RABEP1: variants seen among roughly 807,000 people sequenced by gnomAD.
RABEP1 encodes rab GTPase-binding effector protein 1.
In RABEP1, 51 loss-of-function variants were observed where a neutral mutation model predicts 123.4. The observed-to-expected ratio is 0.41, with a 90% CI of 0.33 to 0.52. The LOEUF (loss-of-function observed/expected upper bound fraction) is 0.52, where lower values mean the gene tolerates loss of function less well. Ranked by LOEUF, RABEP1 falls within the 20% of genes least tolerant of loss-of-function variation. The pLI, the probability that RABEP1 is intolerant of heterozygous loss-of-function variation, is 0.16. For synonymous variants in RABEP1, 347 were observed against 355.2 expected, an observed-to-expected ratio of 0.98 and a Z score of 0.26; for missense variants, 888 against 996.3, an observed-to-expected ratio of 0.89 and a Z score of 1.46.
At chr17:5,337,478 G>A (rs1190060007) in intron 4 of RABEP1, among the ~76,000 whole-genome samples, 1 of 152,076 alleles carries the variant, frequency 6.6e-6, no homozygotes, top group Non-Finnish European at 1.5e-5. Context: ...GAGGTCAGGA[G>A]ATCGAGACCA....
chr17:5,310,257 A>G (rs72634020), intron 2 of RABEP1, among the ~76,000 whole-genome samples: 18,526 of 149,740 alleles, frequency 0.12, 1,872 homozygotes, highest in East Asian at 0.48. Context: ...TGAAGGATAA[A>G]ATTTTATATT....
At chr17:5,382,982 AT>A in intron 17 of RABEP1, 139 bp from the exon 18 acceptor site, 1 of 663,822 alleles carries the variant, frequency 1.5e-6, no homozygotes. Flanking sequence ...TATTTTTAAA[AT>A]TTTTAATTGT....
Position 5,385,836 on chromosome 17 carries a change from C to T in RABEP1, c.*2613C>T, listed in dbSNP as rs2144753594. ...CACTGTGTGGTCTTCTCCTTTGAAT[C>T]CTAGGGTTCTATCCCTCTTCAGAGT... On this transcript the variant is annotated 3_prime_UTR_variant, in exon 18 of 18. Coordinates refer to ENST00000537505, the MANE Select transcript of RABEP1 (RefSeq NM_004703.6). The T allele has an allele frequency of 3.9e-6, 1 of 256,062 alleles. No individual in the cohort carries two copies. Among genetic ancestry groups the T allele is most frequent in the Non-Finnish European group, 7.4e-6 (1 of 134,386 alleles). 15.9% of individuals were successfully genotyped at this position (256,062 alleles called of 1,614,324 possible). A position where few individuals can be genotyped will look rare whatever the true frequency, so the allele number is the denominator to read the frequency against.
intron 1 of RABEP1, among the ~76,000 whole-genome samples, chr17:5,299,674 A>G (rs16954515): frequency 0.26 from 37,507 of 142,158 alleles, 5,613 homozygotes; most frequent in East Asian, 0.67. Context: ...TTACAGGGCT[A>G]TTCAAGCTGC....
chr17:5,340,096 G>A (rs899311220), intron 5 of RABEP1, among the ~76,000 whole-genome samples: 3 of 152,128 alleles, frequency 2.0e-5, no homozygotes, highest in African/African-American at 7.2e-5. Flanking sequence ...GACCTTTACA[G>A]AATACAATCA....
chr17:5,370,420 G>C (rs1042099781), intron 12 of RABEP1, among the ~76,000 whole-genome samples: 1 of 152,108 alleles, frequency 6.6e-6, no homozygotes, highest in African/African-American at 2.4e-5. Context: ...ACTTTTTAGT[G>C]GTGGTTTTCC....
intron 2 of RABEP1, among the ~76,000 whole-genome samples, chr17:5,322,910 A>ACAAAAAATT (rs1191426387): frequency 6.6e-6 from 1 of 152,140 alleles, no homozygotes; most frequent in Non-Finnish European, 1.5e-5. Flanking sequence ...CTCCGTCTTT[A>ACAAAAAATT]CAAAAAATTC....
intron 1 of RABEP1, among the ~76,000 whole-genome samples, chr17:5,296,947 C>G (rs1270195515): frequency 6.6e-6 from 1 of 152,046 alleles, no homozygotes; most frequent in Non-Finnish European, 1.5e-5. Flanking sequence ...CCATGTTGCT[C>G]AGACTGGTCT....
At chr17:5,291,740 C>G (rs1219285825) in intron 1 of RABEP1, among the ~76,000 whole-genome samples, 1 of 152,086 alleles carries the variant, frequency 6.6e-6, no homozygotes, top group African/African-American at 2.4e-5. Flanking sequence ...AATTCCGTTT[C>G]TACTAAAAAT....
intron 1 of RABEP1, among the ~76,000 whole-genome samples, chr17:5,300,745 A>C (rs538887547): frequency 2.0e-5 from 3 of 152,342 alleles, no homozygotes; most frequent in South Asian, 4.1e-4. Context: ...TGGGAGTGAC[A>C]GTATGTTTTG....
rs1448602375 is a variant in RABEP1, at chr17:5,373,452, G to C, written c.2023G>C (p.Glu675Gln). The change falls in exon 13 of 18, where the codon GAG (glutamate) becomes CAG (glutamine). Residue 675 changes from glutamate to glutamine, a missense_variant and splice_region_variant. Transcript: ENST00000537505. ...AGACTTCATCCTCCCAGACACTACA[G>C]AGGTAACTTACTTTCCACATGATCA... Reference protein sequence around the residue: ...AEDFILPDTTEALRELVLKYR... With the variant: ...AEDFILPDTTQALRELVLKYR... The C allele has an allele frequency of 1.2e-6, 2 of 1,601,412 alleles. No homozygotes were observed. Among genetic ancestry groups the C allele is most frequent in the Admixed American group, 1.8e-5 (1 of 56,860 alleles).
chr17:5,283,297 T>G (rs1567859439), intron 1 of RABEP1, among the ~76,000 whole-genome samples: 1 of 152,178 alleles, frequency 6.6e-6, no homozygotes, highest in South Asian at 2.1e-4. Context: ...GATATTTGCT[T>G]GTGGAACTAA....
chr17:5,374,077 G>C (rs1166558060), intron 13 of RABEP1, among the ~76,000 whole-genome samples: 6 of 152,078 alleles, frequency 3.9e-5, no homozygotes, highest in Non-Finnish European at 7.4e-5. Context: ...TGACACTTTT[G>C]TTTCTTTTTG....
chr17:5,316,498 C>G (rs1481290956), intron 2 of RABEP1, among the ~76,000 whole-genome samples: 5 of 122,274 alleles, frequency 4.1e-5, no homozygotes, highest in African/African-American at 1.5e-4. Context: ...GAGTGATAGA[C>G]ATTCGCAAAA....
chr17:5,295,469 C>T (rs558993667), intron 1 of RABEP1, among the ~76,000 whole-genome samples: 191 of 150,678 alleles, frequency 1.3e-3, no homozygotes, highest in African/African-American at 4.4e-3. Flanking sequence ...TTTAATTAAC[C>T]CTCTTAGTAA....
At chr17:5,371,632 A>G (rs1910538778) in intron 12 of RABEP1, 1 of 152,250 alleles carries the variant, frequency 6.6e-6, no homozygotes, top group Non-Finnish European at 1.5e-5. Flanking sequence ...GAGCATATGC[A>G]TGGCCGTGAC....
chr17:5,310,317 T>TTTTTTTTTTTTTTTTTTTTTTTTTG (rs1283372707), intron 2 of RABEP1, among the ~76,000 whole-genome samples: 1 of 150,304 alleles, frequency 6.7e-6, no homozygotes, highest in Admixed American at 6.6e-5. Context: ...TTTTTTTTTT[T>TTTTTTTTTTTTTTTTTTTTTTTTTG]TTGAGATGGG....
intron 5 of RABEP1, 94 bp from the exon 6 acceptor site, chr17:5,346,695 AT>A (rs1908092650): frequency 2.1e-6 from 2 of 930,664 alleles, no homozygotes; most frequent in Non-Finnish European, 2.9e-6. Flanking sequence ...GTAAGTGTAA[AT>A]TTTTTTGAGG....
At chr17:5,353,285 C>A (rs1349339819) in intron 7 of RABEP1, among the ~76,000 whole-genome samples, 1 of 152,212 alleles carries the variant, frequency 6.6e-6, no homozygotes, top group African/African-American at 2.4e-5. Context: ...CCTTACTGAT[C>A]TTTCAAGATT....
Sources: gnomAD v4.1 joint callset for allele counts (sites outside exome capture counted in the v4.1 genomes callset) on GRCh38, gnomAD v4.1.1 for gene constraint, MANE v1.5 for transcripts, NCBI Gene and HGNC (gene_info 2026-07-23, HGNC 2026-07-21) for gene names.